The following XKR9 variants were observed in gnomAD, a reference collection of about 807,000 sequenced individuals.
XKR9 encodes XK-related protein 9.
Under a neutral mutation model 32.0 loss-of-function variants are expected in XKR9, and 32 were observed. The ratio of observed to expected loss-of-function variants is 1.00; its 90% CI spans 0.76 to 1.34. The LOEUF is 1.34. Ranked by LOEUF, XKR9 falls within the 40% of genes most tolerant of loss-of-function variation. The pLI is 0.00. For synonymous variants in XKR9, 168 were observed against 143.4 expected, an observed-to-expected ratio of 1.17 and a Z score of -1.22; for missense variants, 546 against 429.7, an observed-to-expected ratio of 1.27 and a Z score of -2.39.
chr8:70,979,706 C>G, the XKR9 span, among the ~76,000 whole-genome samples: 1 of 152,190 alleles, frequency 6.6e-6, no homozygotes, highest in Non-Finnish European at 1.5e-5. Context: ...TTTGGCTACA[C>G]GGGGGTCAGG....
At chr8:70,772,789 T>C (rs1807470352) in intron 2 of XKR9, among the ~76,000 whole-genome samples, 1 of 152,192 alleles carries the variant, frequency 6.6e-6, no homozygotes. Flanking sequence ...AATTCATGTG[T>C]TGCAAGTCTT....
the XKR9 span, among the ~76,000 whole-genome samples, chr8:71,001,663 G>C: frequency 6.6e-6 from 1 of 152,144 alleles, no homozygotes; most frequent in Non-Finnish European, 1.5e-5. Flanking sequence ...GAGTTAGTTA[G>C]CATTTAGCTG....
chr8:70,890,651 T>C, the XKR9 span, among the ~76,000 whole-genome samples: 1 of 151,992 alleles, frequency 6.6e-6, no homozygotes, highest in Non-Finnish European at 1.5e-5. Context: ...CTGGGATAAA[T>C]TCCACTTGAT....
the XKR9 span, among the ~76,000 whole-genome samples, chr8:71,063,664 G>A: frequency 6.6e-6 from 1 of 152,092 alleles, no homozygotes; most frequent in Non-Finnish European, 1.5e-5. Flanking sequence ...AACCTAAAGA[G>A]AATGTGTGTG....
chr8:70,714,079 A>G (rs1586847317), intron 4 of XKR9, among the ~76,000 whole-genome samples: 1 of 152,092 alleles, frequency 6.6e-6, no homozygotes, highest in South Asian at 2.1e-4. Flanking sequence ...GTGGGTGGGG[A>G]TGAGTAAGGA....
At chr8:70,955,665 G>T in the XKR9 span, among the ~76,000 whole-genome samples, 1 of 152,192 alleles carries the variant, frequency 6.6e-6, no homozygotes, top group African/African-American at 2.4e-5. Context: ...GCTTGGGCCT[G>T]CTGGGCTCAT....
At chr8:70,815,388 A>G in the XKR9 span, among the ~76,000 whole-genome samples, 1 of 152,016 alleles carries the variant, frequency 6.6e-6, no homozygotes. Context: ...TGTTCTAATC[A>G]TTTAGCTCCC....
the XKR9 span, among the ~76,000 whole-genome samples, chr8:70,800,494 C>T: frequency 6.6e-6 from 1 of 151,790 alleles, no homozygotes; most frequent in African/African-American, 2.4e-5. Flanking sequence ...CTGCTATGGG[C>T]ATTTATTTTT....
At chr8:70,767,408 T>G (rs1486770784) in intron 2 of XKR9, among the ~76,000 whole-genome samples, 1 of 152,094 alleles carries the variant, frequency 6.6e-6, no homozygotes. Flanking sequence ...TAGTATTCTC[T>G]GATGGTAGTT....
chr8:70,956,515 G>C, the XKR9 span, among the ~76,000 whole-genome samples: 1 of 152,244 alleles, frequency 6.6e-6, no homozygotes, highest in African/African-American at 2.4e-5. Flanking sequence ...TCCCATACCT[G>C]GTCTGAAGGA....
At chr8:70,816,753 A>G in the XKR9 span, among the ~76,000 whole-genome samples, 8 of 152,362 alleles carry the variant, frequency 5.3e-5, no homozygotes, top group African/African-American at 1.9e-4. Context: ...ACCCGGCAGC[A>G]CATCAAAAAG....
the XKR9 span, among the ~76,000 whole-genome samples, chr8:70,889,730 G>A: frequency 4.3e-4 from 65 of 151,848 alleles, no homozygotes; most frequent in African/African-American, 1.4e-3. Context: ...CTGCATACAC[G>A]TTGCTTCAAA....
At chr8:70,974,519 T>C in the XKR9 span, among the ~76,000 whole-genome samples, 48,444 of 152,042 alleles carry the variant, frequency 0.32, 9,043 homozygotes, top group Non-Finnish European at 0.43. Context: ...GGCGATAGTT[T>C]GCTTAGAATG....
At chr8:71,003,279 A>G in the XKR9 span, among the ~76,000 whole-genome samples, 4 of 150,312 alleles carry the variant, frequency 2.7e-5, no homozygotes, top group African/African-American at 7.3e-5. Context: ...GGAAGCTTCA[A>G]AGGCAAATAC....
rs1459844194 is a variant in XKR9, at chr8:70,707,042, G to A, written c.382G>A (p.Val128Met). ...TCTACATAAAGAAGTTATAGATAGA[G>A]TGACTGATTTGAGCATGCTCAGACT... Reference protein sequence around the residue: ...IDLHKEVIDRVTDLSMLRLFE... With the variant: ...IDLHKEVIDRMTDLSMLRLFE... The change falls in exon 4 of 5, where the codon GTG becomes ATG. Residue 128 changes from valine (V) to methionine (M), a missense_variant. Val to Met is a conservative substitution (Grantham distance 21, BLOSUM62 1). Transcript: ENST00000408926. 3.1e-6 allele frequency: 5 copies of A among 1,613,364 alleles called. No individual in the cohort carries two copies. The African/African-American group carries it at 5.3e-5, about 17-fold the overall frequency.
the XKR9 span, among the ~76,000 whole-genome samples, chr8:70,967,145 C>T: frequency 6.7e-6 from 1 of 148,812 alleles, no homozygotes; most frequent in African/African-American, 2.5e-5. Context: ...TCACTGCAAG[C>T]TCCACCTCCT....
chr8:71,010,037 A>G, the XKR9 span, among the ~76,000 whole-genome samples: 1 of 152,140 alleles, frequency 6.6e-6, no homozygotes, highest in East Asian at 1.9e-4. Context: ...ACCGACCCTG[A>G]TCTGTGACTT....
At chr8:70,767,837 A>G (rs537235568) in intron 2 of XKR9, among the ~76,000 whole-genome samples, 22 of 152,032 alleles carry the variant, frequency 1.4e-4, no homozygotes, top group Non-Finnish European at 2.5e-4. Flanking sequence ...TAGTCAGGCT[A>G]GTGGCCTATC....
downstream of XKR9, among the ~76,000 whole-genome samples, chr8:70,739,087 T>C: frequency 6.6e-6 from 1 of 152,118 alleles, no homozygotes; most frequent in South Asian, 2.1e-4. Context: ...CTCCCATTAT[T>C]ATTGTGTGGG....
Sources: allele counts gnomAD v4.1 joint callset (sites outside exome capture counted in the v4.1 genomes callset), GRCh38; gene constraint gnomAD v4.1.1; transcripts MANE v1.5; gene names NCBI Gene and HGNC (gene_info 2026-07-23, HGNC 2026-07-21).